Variants in CCDC146 observed in about 807,000 individuals in gnomAD.
CCDC146 encodes the protein coiled-coil domain-containing protein 146.
CCDC146 carries 92 observed loss-of-function variants against 119.3 expected under a neutral mutation model. The ratio of observed to expected loss-of-function variants is 0.77; its 90% CI spans 0.65 to 0.92. The LOEUF (loss-of-function observed/expected upper bound fraction) is 0.92. Among genes scored for constraint, CCDC146 ranks in the 40% least tolerant of loss-of-function variants. The pLI is 0.00. For synonymous variants in CCDC146, 372 were observed against 371.8 expected, an observed-to-expected ratio of 1.00 and a Z score of -0.01; for missense variants, 1,000 against 1,103.0, an observed-to-expected ratio of 0.91 and a Z score of 1.32.
At chr7:77,141,933 T>G (rs183878822) in intron 1 of CCDC146, among the ~76,000 whole-genome samples, 2,725 of 152,350 alleles carry the variant, frequency 0.018, 39 homozygotes, top group Non-Finnish European at 0.029. Context: ...ATCTCATTTG[T>G]CAATTTTGGC....
chr7:77,286,820 T>G lies in CCDC146; in HGVS notation c.2171T>G (p.Ile724Ser). The change falls in exon 16 of 19, where the codon ATT becomes AGT. Residue 724 changes from isoleucine (I) to serine (S), a missense_variant. Ile to Ser is a moderately radical substitution (Grantham distance 142, BLOSUM62 -2). This residue lies in a region of CCDC146 where 985 missense variants were observed against 1,045.3 expected (regional missense o/e 0.94). Coordinates refer to ENST00000285871, the MANE Select transcript of CCDC146 (RefSeq NM_020879.3). ...QIQFSQCTDR[I>S]KDLEKQFVKP... Reference sequence around the variant, plus strand: ...TAGTTTTCACAGTGTACAGACAGAATTAAAGACCTGGAGAAACAGTTCGTA... The same window carrying G: ...TAGTTTTCACAGTGTACAGACAGAAGTAAAGACCTGGAGAAACAGTTCGTA... The G allele has an allele frequency of 1.2e-6, 2 of 1,613,912 alleles. No homozygotes were observed. The highest frequency in any genetic ancestry group is 1.7e-6 in the Non-Finnish European group (2 of 1,179,766).
chr7:77,232,889 A>G (rs1002840851), intron 2 of CCDC146, among the ~76,000 whole-genome samples: 7 of 152,210 alleles, frequency 4.6e-5, no homozygotes, highest in African/African-American at 1.4e-4. Context: ...AAGCCTGCCC[A>G]GAATAGTTCT....
intron 11 of CCDC146, among the ~76,000 whole-genome samples, chr7:77,276,241 C>G (rs1337239416): frequency 1.3e-5 from 2 of 151,340 alleles, no homozygotes; most frequent in Admixed American, 6.6e-5. Context: ...TCTCATGACC[C>G]AGATGTGGTC....
At chr7:77,223,968 G>A (rs149239646) in intron 2 of CCDC146, among the ~76,000 whole-genome samples, 16 of 152,304 alleles carry the variant, frequency 1.1e-4, no homozygotes, top group African/African-American at 3.9e-4. Context: ...AGCCACAGGT[G>A]GTGGCCACTG....
chr7:77,271,613 G>A (rs565720644), intron 9 of CCDC146, among the ~76,000 whole-genome samples: 11 of 140,910 alleles, frequency 7.8e-5, no homozygotes, highest in South Asian at 2.3e-4. Flanking sequence ...TAAGATCAAG[G>A]TGGAGGGTAG....
At chr7:77,125,338 G>A (rs3864645) in intron 1 of CCDC146, among the ~76,000 whole-genome samples, 6,787 of 150,024 alleles carry the variant, frequency 0.045, 537 homozygotes, top group African/African-American at 0.16. Context: ...AAAATTGCAC[G>A]TATAGTATGA....
Position 77,167,727 on chromosome 7 carries a change from A to G in CCDC146, c.59A>G (p.Asp20Gly). Residue 20 changes from aspartate to glycine, a missense_variant, in exon 2 of 19, where the codon GAT becomes GGT. Transcript: ENST00000285871. ...KEEEEEKDEK[D>G]QEPIYAIVPT... ...GAGGAAGAGGAGAAAGATGAAAAGG[A>G]TCAAGAGCCCATTTATGCCATAGTG... The G allele has an allele frequency of 6.2e-7, 1 of 1,611,160 alleles. No homozygotes were observed. Among genetic ancestry groups the G allele is most frequent in the South Asian group, 1.1e-5 (1 of 90,576 alleles).
At chr7:77,134,315 G>A (rs1260642090) in intron 1 of CCDC146, among the ~76,000 whole-genome samples, 3 of 152,032 alleles carry the variant, frequency 2.0e-5, no homozygotes, top group Non-Finnish European at 4.4e-5. Context: ...TAAATCAAAT[G>A]CTAAAAAGGA....
chr7:77,232,628 G>A (rs1411803471), intron 2 of CCDC146, among the ~76,000 whole-genome samples: 4 of 152,192 alleles, frequency 2.6e-5, no homozygotes, highest in Non-Finnish European at 5.9e-5. Flanking sequence ...AACCTGGTTA[G>A]AGCCTCTGTG....
chr7:77,264,949 C>T (rs1176977855), intron 9 of CCDC146, among the ~76,000 whole-genome samples: 4 of 152,198 alleles, frequency 2.6e-5, no homozygotes, highest in African/African-American at 9.6e-5. Context: ...TGTATTTTTA[C>T]TACTTCCAAG....
chr7:77,129,592 G>T (rs1439486121), intron 1 of CCDC146, among the ~76,000 whole-genome samples: 1 of 152,034 alleles, frequency 6.6e-6, no homozygotes, highest in East Asian at 1.9e-4. Flanking sequence ...GTCATCCACT[G>T]GGGATCTTGG....
At chr7:77,205,540 T>C (rs1792067472) in intron 2 of CCDC146, among the ~76,000 whole-genome samples, 1 of 152,196 alleles carries the variant, frequency 6.6e-6, no homozygotes, top group Non-Finnish European at 1.5e-5. Context: ...GGTGAATCAC[T>C]TGAGCTCAGG....
chr7:77,278,737 T>A lies in CCDC146; in HGVS notation c.1441-15T>A. The A allele has an allele frequency of 6.4e-7, 1 of 1,568,130 alleles. No homozygotes were observed. The highest frequency in any genetic ancestry group is 8.8e-7 in the Non-Finnish European group (1 of 1,141,130). On this transcript the variant is annotated splice_polypyrimidine_tract_variant and intron_variant, in intron 11 of 18. Transcript: ENST00000285871. ...ATATGTTGTTATTTATTTCACATTT[T>A]TTTGTACATTTCAGCAAAAATACAC...
intron 2 of CCDC146, among the ~76,000 whole-genome samples, chr7:77,191,696 C>T (rs1045638627): frequency 6.6e-6 from 1 of 152,014 alleles, no homozygotes; most frequent in African/African-American, 2.4e-5. Flanking sequence ...ATCACGAGGT[C>T]AGGAGATCGA....
intron 2 of CCDC146, among the ~76,000 whole-genome samples, chr7:77,219,248 G>A (rs971199177): frequency 1.4e-4 from 22 of 152,126 alleles, no homozygotes; most frequent in African/African-American, 4.6e-4. Context: ...CTGTTTGTTA[G>A]AATCTATTTT....
At chr7:77,176,606 T>C (rs1302692778) in intron 2 of CCDC146, among the ~76,000 whole-genome samples, 1 of 152,138 alleles carries the variant, frequency 6.6e-6, no homozygotes, top group Non-Finnish European at 1.5e-5. Flanking sequence ...CGGTAGGTTG[T>C]TGATATAGTA....
chr7:77,223,016 T>C (rs918528430), intron 2 of CCDC146, among the ~76,000 whole-genome samples: 1 of 152,256 alleles, frequency 6.6e-6, no homozygotes, highest in Non-Finnish European at 1.5e-5. Flanking sequence ...TTCACAGCTT[T>C]GGCCCTGTTA....
chr7:77,162,911 C>G (rs1039405601), intron 1 of CCDC146, among the ~76,000 whole-genome samples: 1 of 152,114 alleles, frequency 6.6e-6, no homozygotes, highest in Non-Finnish European at 1.5e-5. Flanking sequence ...CTGATGATCT[C>G]TATCAGAACT....
rs1306636838 is a variant in CCDC146 at position 77,211,619 on chromosome 7, T to G, written c.157-25328T>G. 2.0e-5 allele frequency among the ~76,000 whole-genome samples: 3 copies of G among 152,080 alleles called. No individual in the cohort carries two copies. The East Asian group carries it at 5.8e-4, about 29-fold the overall frequency. ...TTTTATTTTTTTTATTTTTATTTAT[T>G]TATTTATTTATTTTGAGACAGAGTC... On this transcript the variant is annotated intron_variant, in intron 2 of 18. Coordinates refer to ENST00000285871, the MANE Select transcript of CCDC146 (RefSeq NM_020879.3).
Sources: allele counts gnomAD v4.1 joint callset (sites outside exome capture counted in the v4.1 genomes callset), GRCh38; gene constraint gnomAD v4.1.1; regional missense constraint gnomAD v4.1.1; transcripts MANE v1.5; gene names NCBI Gene and HGNC (gene_info 2026-07-23, HGNC 2026-07-21).